The following TSPEAR variants were observed in gnomAD, a reference collection of about 807,000 sequenced individuals.
The protein encoded by TSPEAR is thrombospondin type laminin G domain and EAR repeats.
Under a neutral mutation model 71.6 loss-of-function variants are expected in TSPEAR, and 69 were observed. That is an observed-to-expected ratio of 0.96 (90% confidence interval 0.79 to 1.18). The LOEUF is 1.18. Ranked by LOEUF, TSPEAR falls within the 50% of genes most tolerant of loss-of-function variation. TSPEAR has a pLI of 0.00. For synonymous variants in TSPEAR, 402 were observed against 387.2 expected (o/e 1.04, Z -0.45); for missense variants, 971 against 894.9 (o/e 1.09, Z -1.09).
chr21:44,527,358 G>A lies in TSPEAR; in HGVS notation c.1083C>T (p.Phe361=), dbSNP rs782037604. 46 of 1,614,072 alleles carry A rather than the reference G, an allele frequency of 2.8e-5. No homozygotes were observed. Among genetic ancestry groups the A allele is most frequent in the Admixed American group, 1.5e-4 (9 of 60,018 alleles). ...SAVYKWTEEK[F]VSYQNIPTHQ... ...GCGTGGGGATGTTCTGATATGAGAC[G>A]AACTTCTCTTCGGTCCACTTGTAGA... Residue 361 remains phenylalanine, a synonymous_variant, in exon 7 of 12, where the codon TTC becomes TTT. Coordinates refer to ENST00000323084, the MANE Select transcript of TSPEAR (RefSeq NM_144991.3).
At position 44,508,599 on chromosome 21, in the gene TSPEAR, A is replaced by G. The variant is rs145721785; in HGVS notation, c.1754+600T>C. On this transcript the variant is annotated intron_variant, in intron 10 of 11. Coordinates refer to ENST00000323084, the MANE Select transcript of TSPEAR (RefSeq NM_144991.3). ...GGATGGTTGTGGATTCTCAGTGCCC[A>G]CTGTCCAAAATGTGGTGCCCACGCA... 842 of 1,178,188 alleles carry G rather than the reference A, an allele frequency of 7.1e-4. 8 individuals are homozygous for G. The African/African-American group carries it at 0.012, about 17-fold the overall frequency. 73.0% of individuals were successfully genotyped at this position (1,178,188 alleles called of 1,614,324 possible).
intron 1 of TSPEAR, among the ~76,000 whole-genome samples, chr21:44,638,774 G>T (rs1555937864): frequency 1.3e-5 from 2 of 151,908 alleles, no homozygotes; most frequent in Non-Finnish European, 2.9e-5. Flanking sequence ...GGACAAAGTG[G>T]ACCCTGGCAG....
chr21:44,553,729 C>T (rs2053482844), intron 2 of TSPEAR, among the ~76,000 whole-genome samples: 1 of 152,034 alleles, frequency 6.6e-6, no homozygotes, highest in Non-Finnish European at 1.5e-5. Context: ...GCCACCTAGA[C>T]ATGCATTGAC....
chr21:44,665,810 G>C (rs1328679242), intron 1 of TSPEAR, among the ~76,000 whole-genome samples: 1 of 152,158 alleles, frequency 6.6e-6, no homozygotes, highest in Non-Finnish European at 1.5e-5. Flanking sequence ...ATCCAGTTCT[G>C]TAAACTTGAG....
At chr21:44,603,393 G>A (rs1479136853) in intron 1 of TSPEAR, among the ~76,000 whole-genome samples, 1 of 152,182 alleles carries the variant, frequency 6.6e-6, no homozygotes, top group Non-Finnish European at 1.5e-5. Context: ...CCTGTGGTGA[G>A]TCCCCCAACT....
In TSPEAR at chr21:44,628,124, A is replaced by G. The variant is rs1601504598; in HGVS notation, c.83-60119T>C. 8 of 1,545,172 alleles carry G rather than the reference A, an allele frequency of 5.2e-6. No individual in the cohort carries two copies. The East Asian group carries it at 1.6e-4, about 30-fold the overall frequency. ...AGTCCTTGGACCTCCCAGCCCACCC[A>G]GCCTCAGCACAGCTCAACACAGAAG... On this transcript the variant is annotated intron_variant, in intron 1 of 11. Coordinates refer to ENST00000323084, the MANE Select transcript of TSPEAR (RefSeq NM_144991.3).
intron 1 of TSPEAR, among the ~76,000 whole-genome samples, chr21:44,653,404 G>A (rs782124278): frequency 2.1e-4 from 32 of 151,992 alleles, no homozygotes; most frequent in Non-Finnish European, 4.1e-4. Flanking sequence ...GGCTGCCCCC[G>A]GGCTGGTGTG....
At chr21:44,503,720 C>G (rs113367960) in intron 11 of TSPEAR, among the ~76,000 whole-genome samples, 22 of 76,518 alleles carry the variant, frequency 2.9e-4, no homozygotes, top group African/African-American at 7.7e-4. Context: ...GAGCCCTCGG[C>G]GGGAAGCAAG....
intron 1 of TSPEAR, among the ~76,000 whole-genome samples, chr21:44,571,327 G>A (rs1188294953): frequency 6.6e-6 from 1 of 152,202 alleles, no homozygotes; most frequent in East Asian, 1.9e-4. Context: ...TGGAATTACA[G>A]GCATGAGCCA....
intron 1 of TSPEAR, among the ~76,000 whole-genome samples, chr21:44,658,941 A>C (rs1985332543): frequency 6.6e-6 from 1 of 152,132 alleles, no homozygotes; most frequent in African/African-American, 2.4e-5. Flanking sequence ...GCAATACCTC[A>C]AAGGATTACT....
intron 11 of TSPEAR, among the ~76,000 whole-genome samples, chr21:44,502,871 G>C (rs1285109157): frequency 6.6e-6 from 1 of 150,516 alleles, no homozygotes; most frequent in Non-Finnish European, 1.5e-5. Flanking sequence ...CAAGGCTCTG[G>C]GAGGAGGCCG....
intron 1 of TSPEAR, chr21:44,574,992 T>TGA: frequency 6.2e-7 from 1 of 1,609,974 alleles, no homozygotes; most frequent in Non-Finnish European, 8.5e-7. Flanking sequence ...CCCAGCCTGC[T>TGA]GAGGCCTCCG....
chr21:44,532,081 G>C (rs1186834332), intron 3 of TSPEAR, among the ~76,000 whole-genome samples: 2 of 152,226 alleles, frequency 1.3e-5, no homozygotes, highest in Non-Finnish European at 1.5e-5. Context: ...TAGGGTCCAG[G>C]CTGCTGGCCC....
At chr21:44,653,050 C>G (rs59256622) in intron 1 of TSPEAR, among the ~76,000 whole-genome samples, 2,283 of 152,008 alleles carry the variant, frequency 0.015, 60 homozygotes, top group African/African-American at 0.053. Context: ...CCCAGATACT[C>G]GGGAGGCTGA....
chr21:44,625,438 T>A (rs1253764509), intron 1 of TSPEAR, among the ~76,000 whole-genome samples: 4 of 152,000 alleles, frequency 2.6e-5, no homozygotes, highest in South Asian at 2.1e-4. Context: ...ACAAAAAAAA[T>A]TTTTTTTTAC....
intron 2 of TSPEAR, 72 bp downstream of exon 2, chr21:44,567,713 C>A: frequency 7.5e-7 from 1 of 1,336,996 alleles, no homozygotes; most frequent in South Asian, 1.6e-5. Flanking sequence ...AACCTGTGCA[C>A]GCGTTGGTAC....
chr21:44,599,151 T>TCTCTCTCTCTCTCTCC (rs1980588274), intron 1 of TSPEAR, among the ~76,000 whole-genome samples: 1 of 136,638 alleles, frequency 7.3e-6, no homozygotes, highest in Non-Finnish European at 1.5e-5. Context: ...TCTCTCTCTC[T>TCTCTCTCTCTCTCTCC]CTCTCTCTCT....
intron 2 of TSPEAR, among the ~76,000 whole-genome samples, chr21:44,557,087 G>C (rs2053544057): frequency 6.6e-6 from 1 of 152,200 alleles, no homozygotes; most frequent in South Asian, 2.1e-4. Context: ...GCAGTGGCCA[G>C]AATGAGGTTT....
chr21:44,547,922 C>G (rs114306736), intron 2 of TSPEAR, among the ~76,000 whole-genome samples: 2 of 152,292 alleles, frequency 1.3e-5, no homozygotes, highest in East Asian at 3.9e-4. Flanking sequence ...CATGGGCATG[C>G]GTGGGGGCCT....
Sources: gnomAD v4.1 joint callset for allele counts (sites outside exome capture counted in the v4.1 genomes callset) on GRCh38, gnomAD v4.1.1 for gene constraint, MANE v1.5 for transcripts, NCBI Gene and HGNC (gene_info 2026-07-23, HGNC 2026-07-21) for gene names.